Variants in CAPN9 observed in about 807,000 individuals in gnomAD.
CAPN9 encodes the protein calpain 9.
Under a neutral mutation model 92.8 loss-of-function variants are expected in CAPN9, and 81 were observed. That is an observed-to-expected ratio of 0.87 (90% CI 0.73 to 1.05). The LOEUF (loss-of-function observed/expected upper bound fraction) is 1.05, where lower values mean the gene tolerates loss of function less well. Among genes scored for constraint, CAPN9 ranks in the 50% least tolerant of loss-of-function variants. The pLI, the probability that CAPN9 is intolerant of heterozygous loss-of-function variation, is 0.00. For missense variants in CAPN9, 848 were observed against 866.2 expected, an observed-to-expected ratio of 0.98 and a Z score of 0.26; for synonymous variants, 304 against 328.0, an observed-to-expected ratio of 0.93 and a Z score of 0.79.
rs752205148 is a variant in CAPN9 at position 230,747,635 on chromosome 1, G to A, written c.139G>A (p.Asp47Asn). 6.2e-7 allele frequency: 1 copy of A among 1,614,158 alleles called. No homozygotes were observed. The highest frequency in any genetic ancestry group is 2.2e-5 in the East Asian group (1 of 44,868). Residue 47 changes from aspartate (D) to asparagine (N), a missense_variant, in exon 1 of 20, where the codon GAC (aspartate) becomes AAC (asparagine). By Grantham distance (23) the Asp-to-Asn change is conservative. Coordinates refer to ENST00000271971, the MANE Select transcript of CAPN9 (RefSeq NM_006615.3). Reference sequence around the variant, plus strand: ...GAGAGGCACCCTGTTTGAGGATGCAGACTTCCCAGCCAGCAATTCCTCCCT... The same window carrying A: ...GAGAGGCACCCTGTTTGAGGATGCAAACTTCCCAGCCAGCAATTCCTCCCT... The part of the protein sequence containing the change: ...LQRGTLFEDA[D>N]FPASNSSLFY...
chr1:230,781,024 C>A (rs1667184522), intron 11 of CAPN9, among the ~76,000 whole-genome samples: 1 of 152,054 alleles, frequency 6.6e-6, no homozygotes, highest in Non-Finnish European at 1.5e-5. Context: ...CACCACCACA[C>A]CTGGCTAATT....
At position 230,789,500 on chromosome 1, in the gene CAPN9, A is replaced by AAAAAAAAAAAAAAAAAG. The variant is rs200162449; in HGVS notation, c.1600-632_1600-631insAAAAAAAAAAAAAAAAG. On this transcript the variant is annotated intron_variant, in intron 13 of 19. Transcript: ENST00000271971. The stretch of plus-strand genomic sequence containing the variant: ...AAAAAAAAAAAAAAAAAAAAAAAAA[A>AAAAAAAAAAAAAAAAAG]GCCTGAGTCTCAGGGCAAGGTCTGA... Among the ~76,000 whole-genome samples, 7 of 138,176 alleles carry AAAAAAAAAAAAAAAAAG rather than the reference A, an allele frequency of 5.1e-5. 1 individual carries two copies. Among genetic ancestry groups the AAAAAAAAAAAAAAAAAG allele is most frequent in the African/African-American group, 1.7e-4 (6 of 36,192 alleles). 90.6% of individuals were successfully genotyped at this position (138,176 alleles called of 152,430 possible). A position where few individuals can be genotyped will look rare whatever the true frequency, so the allele number is the denominator to read the frequency against.
intron 1 of CAPN9, 106 bp downstream of exon 1, chr1:230,747,815 C>T: frequency 1.1e-6 from 1 of 919,092 alleles, no homozygotes; most frequent in East Asian, 2.6e-5. Context: ...ACGCTCAGTG[C>T]AACTGAGGTG....
intron 4 of CAPN9, among the ~76,000 whole-genome samples, chr1:230,766,149 G>A (rs923453195): frequency 3.9e-5 from 6 of 152,104 alleles, no homozygotes; most frequent in Admixed American, 6.5e-5. Flanking sequence ...AGACTAGAGT[G>A]CAGTGGCACC....
intron 19 of CAPN9, among the ~76,000 whole-genome samples, chr1:230,798,447 G>T (rs920056561): frequency 7.2e-5 from 11 of 152,212 alleles, no homozygotes; most frequent in African/African-American, 2.7e-4. Flanking sequence ...CCATTTTGCA[G>T]GGTGGAAACT....
Position 230,800,449 on chromosome 1 carries a change from C to T in CAPN9, c.2047-1121C>T, listed in dbSNP as rs577477932. Among the ~76,000 whole-genome samples, 337 of 152,188 alleles carry T rather than the reference C, an allele frequency of 2.2e-3. 1 individual carries two copies. Among genetic ancestry groups the T allele is most frequent in the Non-Finnish European group, 3.0e-3 (207 of 68,010 alleles). ...AAGGAGACAGTGGGAAGGTTTGTTA[C>T]TCAGCGGCCCCCTGGCTAGTCAAAG... is the stretch of plus-strand genomic sequence containing the variant. On this transcript the variant is annotated intron_variant, in intron 19 of 19. Coordinates refer to ENST00000271971, the MANE Select transcript of CAPN9 (RefSeq NM_006615.3).
intron 14 of CAPN9, among the ~76,000 whole-genome samples, chr1:230,791,150 C>A (rs1047042022): frequency 6.6e-6 from 1 of 151,972 alleles, no homozygotes; most frequent in African/African-American, 2.4e-5. Flanking sequence ...GGGTTGTTAC[C>A]GGTTTTTGGT....
At chr1:230,762,918 C>A (rs944244022) in intron 4 of CAPN9, 132 bp downstream of exon 4, 7 of 918,074 alleles carry the variant, frequency 7.6e-6, no homozygotes, top group South Asian at 2.0e-5. Context: ...AGGACCCAAC[C>A]CTCTCAGGGC....
intron 8 of CAPN9, among the ~76,000 whole-genome samples, chr1:230,777,432 T>C (rs1267237152): frequency 3.3e-5 from 5 of 152,086 alleles, no homozygotes; most frequent in Non-Finnish European, 7.4e-5. Flanking sequence ...CTTTCCATTC[T>C]TCACCAGCTC....
chr1:230,769,614 CA>C (rs1666244765), intron 6 of CAPN9, among the ~76,000 whole-genome samples: 1 of 149,810 alleles, frequency 6.7e-6, no homozygotes, highest in Admixed American at 6.7e-5. Context: ...AACACACACA[CA>C]CCTATCTATC....
At chr1:230,750,033 C>G (rs535624760) in intron 1 of CAPN9, among the ~76,000 whole-genome samples, 1 of 152,314 alleles carries the variant, frequency 6.6e-6, no homozygotes, top group East Asian at 1.9e-4. Context: ...GAAGTCTCCC[C>G]TCCTGGGACC....
chr1:230,782,101 C>T (rs1418801129), intron 11 of CAPN9, among the ~76,000 whole-genome samples: 1 of 152,188 alleles, frequency 6.6e-6, no homozygotes, highest in Non-Finnish European at 1.5e-5. Context: ...ATGCCAATGC[C>T]ATGCCTCTTG....
intron 19 of CAPN9, among the ~76,000 whole-genome samples, chr1:230,800,431 C>T (rs1017662268): frequency 5.9e-5 from 9 of 152,022 alleles, no homozygotes; most frequent in Non-Finnish European, 1.0e-4. Context: ...TGGAAGGAGA[C>T]AGTGGGAAGG....
intron 18 of CAPN9, among the ~76,000 whole-genome samples, chr1:230,797,821 G>A (rs368068414): frequency 3.4e-4 from 52 of 152,180 alleles, no homozygotes; most frequent in Non-Finnish European, 5.1e-4. Context: ...CTTTACGTGC[G>A]TGTGCTTTTT....
At chr1:230,758,619 G>A (rs1890350) in intron 2 of CAPN9, among the ~76,000 whole-genome samples, 68,642 of 151,990 alleles carry the variant, frequency 0.45, 15,586 homozygotes, top group Non-Finnish European at 0.48. Flanking sequence ...CAGCCAGAAA[G>A]GGCCATATTA....
chr1:230,764,642 G>A (rs1379818868), intron 4 of CAPN9, among the ~76,000 whole-genome samples: 1 of 152,230 alleles, frequency 6.6e-6, no homozygotes, highest in East Asian at 1.9e-4. Context: ...CTGTACGTGA[G>A]TGCTATGCTC....
intron 11 of CAPN9, among the ~76,000 whole-genome samples, chr1:230,783,382 A>G (rs551697205): frequency 1.4e-4 from 21 of 152,246 alleles, no homozygotes; most frequent in Admixed American, 3.9e-4. Context: ...GTAATCCCCA[A>G]TGTTGGAGGT....
At chr1:230,800,219 ATAAGAAAGAAAGAAG>A (rs1428704018) in intron 19 of CAPN9, among the ~76,000 whole-genome samples, 3 of 69,860 alleles carry the variant, frequency 4.3e-5, no homozygotes, top group Non-Finnish European at 1.1e-4. Context: ...AGAAAGAAAA[ATAAGAAAGAAAGAAG>A]AAAGAAAGAA....
At chr1:230,797,652 G>A (rs572442510) in intron 18 of CAPN9, among the ~76,000 whole-genome samples, 1 of 152,310 alleles carries the variant, frequency 6.6e-6, no homozygotes, top group South Asian at 2.1e-4. Context: ...CCCCAAGAGG[G>A]CAGTGACTTG....
Sources: allele counts gnomAD v4.1 joint callset (sites outside exome capture counted in the v4.1 genomes callset), GRCh38; gene constraint gnomAD v4.1.1; transcripts MANE v1.5; gene names NCBI Gene and HGNC (gene_info 2026-07-23, HGNC 2026-07-21).